Variants in TRHDE observed in about 807,000 individuals in gnomAD.
TRHDE encodes thyrotropin-releasing hormone-degrading ectoenzyme.
TRHDE carries 72 observed loss-of-function variants against 125.7 expected under a neutral mutation model. That is an observed-to-expected ratio of 0.57 (90% CI 0.47 to 0.70). The LOEUF (loss-of-function observed/expected upper bound fraction) is 0.70. Ranked by LOEUF, TRHDE falls within the 30% of genes least tolerant of loss-of-function variation. The probability of loss-of-function intolerance (pLI) is 0.00; values close to 1 mark genes in which losing one functional copy is unlikely to be tolerated. For missense variants in TRHDE, 1,110 were observed against 1,327.1 expected (o/e 0.84, Z 2.54); for synonymous variants, 509 against 509.1 (o/e 1.00, Z 0.00).
Position 72,636,779 on chromosome 12 carries a change from T to C in TRHDE, c.2675+15028T>C, listed in dbSNP as rs571760537. Among the ~76,000 whole-genome samples, 4 of 152,378 alleles carry C rather than the reference T, an allele frequency of 2.6e-5. No homozygotes were observed. In the East Asian group the frequency reaches 5.8e-4, roughly 22 times the overall value. ...GAGACAATCATGTGGTTTTTGTCTT[T>C]GGTTCTATTTATATGCTGGATTACA... On this transcript the variant is annotated intron_variant, in intron 15 of 18. Coordinates refer to ENST00000261180, the MANE Select transcript of TRHDE (RefSeq NM_013381.3).
intron 2 of TRHDE, among the ~76,000 whole-genome samples, chr12:72,218,680 C>G (rs11179111): frequency 6.6e-6 from 1 of 151,746 alleles, no homozygotes; most frequent in Non-Finnish European, 1.5e-5. Flanking sequence ...CCTTGATGTT[C>G]CCTGGTTTTT....
At chr12:72,631,140 C>CA (rs1212570368) in intron 15 of TRHDE, among the ~76,000 whole-genome samples, 2 of 151,422 alleles carry the variant, frequency 1.3e-5, no homozygotes. Context: ...AGCAGGCATT[C>CA]AACATGTACT....
intron 3 of TRHDE, among the ~76,000 whole-genome samples, chr12:72,403,755 CAGCTAGGAAGTCCAAGCCTG>C (rs1384366638): frequency 3.9e-5 from 6 of 152,152 alleles, no homozygotes; most frequent in Non-Finnish European, 5.9e-5. Flanking sequence ...CATTGAAACC[CAGCTAGGAAGTCCAAGCCTG>C]ACTTCTGTCT....
At chr12:72,508,354 G>A (rs1269849717) in intron 6 of TRHDE, among the ~76,000 whole-genome samples, 5 of 152,208 alleles carry the variant, frequency 3.3e-5, no homozygotes, top group African/African-American at 1.2e-4. Context: ...AAAGCTACAG[G>A]GGCAGAGCTG....
chr12:72,404,665 A>G (rs146993056), intron 3 of TRHDE, among the ~76,000 whole-genome samples: 1 of 152,234 alleles, frequency 6.6e-6, no homozygotes, highest in East Asian at 1.9e-4. Context: ...GAAACTTACT[A>G]TCATGACAAC....
chr12:72,183,444 A>T (rs571291217), intron 2 of TRHDE, among the ~76,000 whole-genome samples: 1 of 152,336 alleles, frequency 6.6e-6, no homozygotes, highest in Admixed American at 6.5e-5. Flanking sequence ...TTTAGATAAG[A>T]TATAATTCCC....
rs746039335 is a variant in TRHDE at position 72,563,018 on chromosome 12, G to A, written c.2020G>A (p.Ala674Thr). ...FIYDISAKTKALKLQNNSYLW... is the reference protein window; with the variant it reads ...FIYDISAKTKTLKLQNNSYLW... ...CTATGATATCAGTGCTAAAACTAAA[G>A]CACTTAAACTTCAGAATAACAGGTA... Residue 674 changes from alanine to threonine, a missense_variant, in exon 9 of 19, where the codon GCA becomes ACA. Physicochemically the swap from Ala to Thr is moderately conservative, Grantham distance 58. This residue lies in a region of TRHDE where 527 missense variants were observed against 651.8 expected (regional missense o/e 0.81). Transcript: ENST00000261180. 3.1e-6 allele frequency: 5 copies of A among 1,598,608 alleles called. No individual in the cohort carries two copies. In the Admixed American group the frequency reaches 7.1e-5, roughly 23 times the overall value.
At chr12:72,126,943 C>G (rs1875727810) in intron 2 of TRHDE, among the ~76,000 whole-genome samples, 1 of 152,066 alleles carries the variant, frequency 6.6e-6, no homozygotes, top group African/African-American at 2.4e-5. Context: ...TATTTGCAAA[C>G]TATGAATCTG....
chr12:72,373,949 A>C (rs370234147), intron 2 of TRHDE, among the ~76,000 whole-genome samples: 36 of 152,280 alleles, frequency 2.4e-4, no homozygotes, highest in African/African-American at 8.2e-4. Flanking sequence ...AAACCAGAAG[A>C]GTGCGTGATT....
chr12:72,576,428 AATCAAAATT>A (rs1870997644), intron 12 of TRHDE, among the ~76,000 whole-genome samples: 2 of 152,092 alleles, frequency 1.3e-5, no homozygotes, highest in African/African-American at 2.4e-5. Context: ...TTATGTATTC[AATCAAAATT>A]CAATTCTCTT....
intron 2 of TRHDE, among the ~76,000 whole-genome samples, chr12:72,341,013 A>G (rs142640137): frequency 2.4e-4 from 36 of 152,018 alleles, no homozygotes; most frequent in Non-Finnish European, 2.9e-5. Context: ...CCATTTGTTT[A>G]TGGTATATGA....
chr12:72,594,496 A>G (rs1020899607), intron 12 of TRHDE, among the ~76,000 whole-genome samples: 4 of 134,962 alleles, frequency 3.0e-5, no homozygotes, highest in Non-Finnish European at 6.1e-5. Context: ...GGGATTACAG[A>G]TGTGAGTTTT....
chr12:72,115,596 C>G (rs1875425255), intron 2 of TRHDE, among the ~76,000 whole-genome samples: 1 of 152,078 alleles, frequency 6.6e-6, no homozygotes, highest in South Asian at 2.1e-4. Context: ...TATGGTAGCT[C>G]TATTTTTAGT....
At chr12:72,522,367 C>G (rs1868265566) in intron 6 of TRHDE, among the ~76,000 whole-genome samples, 1 of 152,116 alleles carries the variant, frequency 6.6e-6, no homozygotes, top group Non-Finnish European at 1.5e-5. Flanking sequence ...TTAGAAACAT[C>G]CTAGTTATCA....
chr12:72,370,198 T>G (rs879473552), intron 2 of TRHDE, among the ~76,000 whole-genome samples: 2 of 152,150 alleles, frequency 1.3e-5, no homozygotes, highest in Non-Finnish European at 2.9e-5. Context: ...TGACTACAAT[T>G]GGCTTTACTT....
chr12:72,650,554 C>T (rs557642329), intron 15 of TRHDE, among the ~76,000 whole-genome samples: 1 of 152,146 alleles, frequency 6.6e-6, no homozygotes, highest in East Asian at 1.9e-4. Context: ...ACTTAAGGGG[C>T]TCTATCCCTA....
Position 72,499,545 on chromosome 12 carries a change from G to A in TRHDE, c.1632G>A (p.Leu544=). 6.2e-7 allele frequency: 1 copy of A among 1,613,828 alleles called. No homozygotes were observed. The highest frequency in any genetic ancestry group is 8.5e-7 in the Non-Finnish European group (1 of 1,179,858). Residue 544 remains leucine (L), a synonymous_variant, in exon 6 of 19, where the codon CTG becomes CTA. Coordinates refer to ENST00000261180, the MANE Select transcript of TRHDE (RefSeq NM_013381.3). The part of the protein sequence containing the change: ...LTDVLHEVML[L]DGLASSHPVS... ...ATGTTCTGCATGAAGTGATGCTGCT[G>A]GACGGTTTGGCCAGTTCCCATCCAG...
At chr12:72,489,744 A>T (rs1054345434) in intron 5 of TRHDE, among the ~76,000 whole-genome samples, 1 of 151,902 alleles carries the variant, frequency 6.6e-6, no homozygotes, top group Admixed American at 6.6e-5. Context: ...ACGATGAGAA[A>T]AAGATTGTGT....
intron 2 of TRHDE, among the ~76,000 whole-genome samples, chr12:72,233,294 T>C (rs1394369956): frequency 1.3e-5 from 2 of 151,956 alleles, no homozygotes. Flanking sequence ...CAGAGTAAAA[T>C]TGGAATAAAA....
Sources: gnomAD v4.1 joint callset for allele counts (sites outside exome capture counted in the v4.1 genomes callset) on GRCh38, gnomAD v4.1.1 for gene constraint, gnomAD v4.1.1 regional missense constraint, MANE v1.5 for transcripts, NCBI Gene and HGNC (gene_info 2026-07-23, HGNC 2026-07-21) for gene names.